Variants in RPS6KC1 observed in about 807,000 individuals in gnomAD.
The protein encoded by RPS6KC1 is inactive ribosomal protein S6 kinase delta-1.
A neutral mutation model predicts 103.8 loss-of-function variants in RPS6KC1; 54 were observed. That is an observed-to-expected ratio of 0.52 (90% CI 0.42 to 0.65). The LOEUF is 0.65. Among genes scored for constraint, RPS6KC1 ranks in the 30% least tolerant of loss-of-function variants. RPS6KC1 has a pLI of 0.00. For missense variants in RPS6KC1, 1,151 were observed against 1,253.8 expected, an observed-to-expected ratio of 0.92 and a Z score of 1.24; for synonymous variants, 439 against 438.7, an observed-to-expected ratio of 1.00 and a Z score of -0.01.
chr1:213,760,635 C>G, the RPS6KC1 span, among the ~76,000 whole-genome samples: 1 of 152,216 alleles, frequency 6.6e-6, no homozygotes, highest in East Asian at 1.9e-4. Flanking sequence ...TGTATTCAGA[C>G]AAACAACATT....
chr1:213,660,435 G>T, the RPS6KC1 span, among the ~76,000 whole-genome samples: 1 of 152,192 alleles, frequency 6.6e-6, no homozygotes, highest in Admixed American at 6.5e-5. Context: ...TCACCCATGG[G>T]CGGAGCCCTA....
the RPS6KC1 span, among the ~76,000 whole-genome samples, chr1:213,693,016 T>C: frequency 1.3e-5 from 2 of 152,156 alleles, no homozygotes; most frequent in Non-Finnish European, 2.9e-5. Flanking sequence ...GTCTCTGCCC[T>C]AAAGGGCTTA....
the RPS6KC1 span, among the ~76,000 whole-genome samples, chr1:213,645,957 A>G: frequency 4.6e-5 from 7 of 152,236 alleles, no homozygotes; most frequent in Non-Finnish European, 8.8e-5. Flanking sequence ...CAACCTGGTC[A>G]TTCTTTGGAA....
At chr1:213,417,161 G>A in the RPS6KC1 span, among the ~76,000 whole-genome samples, 72,524 of 151,842 alleles carry the variant, frequency 0.48, 17,755 homozygotes, top group East Asian at 0.55. Context: ...CCTCCTCCTC[G>A]CTGCCTTTCT....
chr1:213,144,383 C>T (rs752935072), intron 6 of RPS6KC1, among the ~76,000 whole-genome samples: 7 of 152,028 alleles, frequency 4.6e-5, no homozygotes, highest in Non-Finnish European at 8.8e-5. Context: ...TCAAGTGATC[C>T]TCCCACCTTA....
intron 10 of RPS6KC1, among the ~76,000 whole-genome samples, chr1:213,238,581 T>A (rs2094280507): frequency 6.6e-6 from 1 of 152,154 alleles, no homozygotes; most frequent in African/African-American, 2.4e-5. Context: ...AAAGTAAGGA[T>A]CTAGTCGTAG....
chr1:213,846,210 G>A, the RPS6KC1 span, among the ~76,000 whole-genome samples: 1 of 151,684 alleles, frequency 6.6e-6, no homozygotes, highest in Non-Finnish European at 1.5e-5. Context: ...TGAGGCAGGA[G>A]AATCACTTGA....
the RPS6KC1 span, among the ~76,000 whole-genome samples, chr1:213,761,408 G>T: frequency 1.3e-5 from 2 of 152,212 alleles, no homozygotes; most frequent in African/African-American, 2.4e-5. Flanking sequence ...ATCAGAGCAG[G>T]AGGATATAGT....
At chr1:213,249,534 G>A (rs1470423120) in intron 12 of RPS6KC1, among the ~76,000 whole-genome samples, 1 of 152,192 alleles carries the variant, frequency 6.6e-6, no homozygotes, top group Non-Finnish European at 1.5e-5. Context: ...GAGAGAGAGC[G>A]CAAGCAAGCG....
the RPS6KC1 span, among the ~76,000 whole-genome samples, chr1:213,789,787 G>T: frequency 6.6e-6 from 1 of 152,176 alleles, no homozygotes; most frequent in Admixed American, 6.5e-5. Flanking sequence ...TGATAACATT[G>T]TCACGAATTT....
the RPS6KC1 span, among the ~76,000 whole-genome samples, chr1:213,633,874 C>CAAAA: frequency 1.2e-4 from 1 of 8,276 alleles, no homozygotes; most frequent in South Asian, 6.1e-3. Context: ...AAATGGAAAG[C>CAAAA]AAAAAAAAAA....
At chr1:213,518,715 C>T in the RPS6KC1 span, among the ~76,000 whole-genome samples, 220 of 152,302 alleles carry the variant, frequency 1.4e-3, 10 homozygotes, top group South Asian at 0.044. Context: ...GATCACTGGA[C>T]CACACTCATC....
the RPS6KC1 span, among the ~76,000 whole-genome samples, chr1:213,518,493 A>C: frequency 6.6e-6 from 1 of 152,222 alleles, no homozygotes; most frequent in East Asian, 1.9e-4. Flanking sequence ...ATCCTCCCCT[A>C]GAGCCTTTGC....
the RPS6KC1 span, among the ~76,000 whole-genome samples, chr1:213,736,532 T>C: frequency 1.3e-5 from 2 of 152,180 alleles, no homozygotes; most frequent in Non-Finnish European, 2.9e-5. Flanking sequence ...TAACCCACCC[T>C]AATCACAGGA....
intron 8 of RPS6KC1, among the ~76,000 whole-genome samples, chr1:213,207,774 A>G (rs1208324810): frequency 3.9e-5 from 6 of 152,042 alleles, no homozygotes; most frequent in Non-Finnish European, 7.4e-5. Flanking sequence ...CCTGAGTTCA[A>G]GTGATTCTCC....
the RPS6KC1 span, among the ~76,000 whole-genome samples, chr1:213,669,794 C>T: frequency 2.0e-5 from 3 of 152,128 alleles, no homozygotes; most frequent in Non-Finnish European, 2.9e-5. Context: ...AAGATTCCGA[C>T]CGCTGATACA....
chr1:213,489,783 C>G, the RPS6KC1 span, among the ~76,000 whole-genome samples: 7 of 152,128 alleles, frequency 4.6e-5, no homozygotes, highest in Non-Finnish European at 8.8e-5. Context: ...ATCTCAGTGG[C>G]TTAGAATTCT....
chr1:213,664,650 G>T, the RPS6KC1 span, among the ~76,000 whole-genome samples: 2 of 152,246 alleles, frequency 1.3e-5, no homozygotes, highest in East Asian at 1.9e-4. Context: ...ATAGGCCATA[G>T]GTTGCTGTCC....
the RPS6KC1 span, among the ~76,000 whole-genome samples, chr1:213,540,342 TATTGATTGATTG>T: frequency 6.6e-6 from 1 of 152,090 alleles, no homozygotes; most frequent in Non-Finnish European, 1.5e-5. Flanking sequence ...ATGTGAGCAA[TATTGATTGATTG>T]ATTGATTGAG....
Sources: gnomAD v4.1 joint callset for allele counts (sites outside exome capture counted in the v4.1 genomes callset) on GRCh38, gnomAD v4.1.1 for gene constraint, MANE v1.5 for transcripts, NCBI Gene and HGNC (gene_info 2026-07-23, HGNC 2026-07-21) for gene names.